The following FAM221B variants were observed in gnomAD, a reference collection of about 807,000 sequenced individuals.
FAM221B encodes the protein family with sequence similarity 221 member B.
In FAM221B, 35 loss-of-function variants were observed where a neutral mutation model predicts 39.8. The observed-to-expected ratio is 0.88, with a 90% CI of 0.67 to 1.17. FAM221B has a LOEUF of 1.17. Ranked by LOEUF, FAM221B falls within the 50% of genes most tolerant of loss-of-function variation. FAM221B has a pLI of 0.00. For missense variants in FAM221B, 479 were observed against 503.1 expected (o/e 0.95, Z 0.46); for synonymous variants, 158 against 178.1 (o/e 0.89, Z 0.90).
chr9:35,818,654 G>T, intron 6 of FAM221B, 148 bp from the exon 7 acceptor site: 1 of 966,632 alleles, frequency 1.0e-6, no homozygotes, highest in Non-Finnish European at 1.6e-6. Context: ...GGGCCTAGAA[G>T]TCAGAGTTGC....
At position 35,825,946 on chromosome 9, in the gene FAM221B, A is replaced by C; in HGVS notation, c.216T>G (p.Pro72=). The change falls in exon 2 of 7, where the codon CCT becomes CCG. Residue 72 remains proline (P), a synonymous_variant. Coordinates refer to ENST00000423537, the MANE Select transcript of FAM221B (RefSeq NM_001012446.4). The surrounding 1 kb of genome is among the most constrained non-coding windows in gnomAD (Gnocchi z 4.2). The part of the protein sequence containing the change: ...PSQIPLEAHS[P]ETHQEPSISE... ...AGATGGAAGGCTCCTGATGGGTTTC[A>C]GGGGAATGGGCCTCTAAGGGGATCT... 6.2e-7 allele frequency: 1 copy of C among 1,614,086 alleles called. No individual in the cohort carries two copies. The highest frequency in any genetic ancestry group is 8.5e-7 in the Non-Finnish European group (1 of 1,179,998).
Position 35,825,306 on chromosome 9 carries a change from A to G in FAM221B, c.666T>C (p.His222=), listed in dbSNP as rs773803368. ...TELVEVAKAM[H]REEFGAQVNN... The stretch of plus-strand genomic sequence containing the variant: ...TCACTTGAGCACCAAACTCCTCTCT[A>G]TGCATTGCCTTAGCCACTTCCACCA... The change falls in exon 3 of 7, where the codon CAT becomes CAC. Residue 222 remains histidine (H), a synonymous_variant. Transcript: ENST00000423537. The surrounding 1 kb of genome is among the most constrained non-coding windows in gnomAD (Gnocchi z 4.2). 5 of 1,614,194 alleles carry G rather than the reference A, an allele frequency of 3.1e-6. No homozygotes were observed. Among genetic ancestry groups the G allele is most frequent in the Non-Finnish European group, 2.5e-6 (3 of 1,180,026 alleles).
At position 35,818,471 on chromosome 9, in the gene FAM221B, A is replaced by G. The variant is rs767000046; in HGVS notation, c.1207T>C (p.Ter403ArgextTer170). ...DTVSNWHRPL[*>R] The stretch of plus-strand genomic sequence containing the variant: ...TTTATTGCTGATCTGGGCCAGACTC[A>G]CAAAGGCCTGTGCCAGTTGCTGACA... Residue 403 changes from the stop codon to arginine, a stop_lost, in exon 7 of 7, where the codon TGA (stop) becomes CGA (arginine). Transcript: ENST00000423537. 2.4e-4 allele frequency: 365 copies of G among 1,551,604 alleles called. No individual in the cohort carries two copies. Among genetic ancestry groups the G allele is most frequent in the Non-Finnish European group, 3.1e-4 (352 of 1,146,990 alleles).
At chr9:35,823,138 A>G (rs993464660) in intron 3 of FAM221B, among the ~76,000 whole-genome samples, 1 of 152,170 alleles carries the variant, frequency 6.6e-6, no homozygotes, top group African/African-American at 2.4e-5. Context: ...TACTCATCTT[A>G]CAGATATCAG....
intron 3 of FAM221B, 90 bp from the exon 4 acceptor site, chr9:35,820,090 G>A: frequency 2.3e-6 from 2 of 852,400 alleles, no homozygotes; most frequent in Non-Finnish European, 3.8e-6. Context: ...GTGAGGGGGT[G>A]GGGGGAACTT....
At position 35,820,050 on chromosome 9, in the gene FAM221B, C is replaced by T. The variant is rs72727073; in HGVS notation, c.743-50G>A. 4,272 of 1,390,488 alleles carry T rather than the reference C, an allele frequency of 3.1e-3. 8 individuals carry two copies. Among genetic ancestry groups the T allele is most frequent in the Non-Finnish European group, 3.5e-3 (3,402 of 978,998 alleles). 86.1% of individuals were successfully genotyped at this position (1,390,488 alleles called of 1,614,324 possible). On this transcript the variant is annotated intron_variant, in intron 3 of 6. Coordinates refer to ENST00000423537, the MANE Select transcript of FAM221B (RefSeq NM_001012446.4). ...GAAGTAAAAAAATTCTAAGCTCCCC[C>T]GAAGTGTTCTTACCTATCCCTTGAT...
chr9:35,825,430 G>C lies in FAM221B; in HGVS notation c.599-57C>G, dbSNP rs1829315766. The C allele has an allele frequency of 1.9e-6, 3 of 1,609,350 alleles. No homozygotes were observed. The Admixed American group carries it at 5.0e-5, about 27-fold the overall frequency. On this transcript the variant is annotated intron_variant, in intron 2 of 6. Transcript: ENST00000423537. This position sits in a 1 kb window ranked among gnomAD's most constrained non-coding sequence, Gnocchi z 4.2. ...AAGTGAGAAGGCCCTAAAACTAAGA[G>C]AAGGGGCCATGTCCAAGAGTAACCC...
chr9:35,818,426 C>T lies in FAM221B; in HGVS notation c.*43G>A. Reference sequence around the variant, plus strand: ...CTACCTGCCCCATATAGAGCCAAGTCAGGTTCCAATGACTCCTCTTTTATT... The same window carrying T: ...CTACCTGCCCCATATAGAGCCAAGTTAGGTTCCAATGACTCCTCTTTTATT... On this transcript the variant is annotated 3_prime_UTR_variant, in exon 7 of 7. Transcript: ENST00000423537. The T allele has an allele frequency of 6.5e-7, 1 of 1,546,718 alleles. No individual in the cohort carries two copies. Among genetic ancestry groups the T allele is most frequent in the Non-Finnish European group, 8.8e-7 (1 of 1,142,492 alleles).
At chr9:35,821,600 G>T (rs1336719554) in intron 3 of FAM221B, 2 of 1,367,814 alleles carry the variant, frequency 1.5e-6, no homozygotes, top group East Asian at 4.5e-5. Flanking sequence ...CGGGAGCCAG[G>T]ATTCCACTAG....
intron 3 of FAM221B, among the ~76,000 whole-genome samples, chr9:35,824,791 C>A (rs945021800): frequency 1.1e-4 from 17 of 151,726 alleles, no homozygotes; most frequent in African/African-American, 4.1e-4. Context: ...ACGCCATTCT[C>A]CTGCCTCAGC....
rs552146197 is a variant in FAM221B at position 35,817,985 on chromosome 9, C to G, written c.*484G>C. ...TACTGGCCTCTTCCCCTTTTCCTTC[C>G]TACAAAAGTACTTCCTTGACTCCAC... On this transcript the variant is annotated 3_prime_UTR_variant, in exon 7 of 7. Coordinates refer to ENST00000423537, the MANE Select transcript of FAM221B (RefSeq NM_001012446.4). 2 of 160,962 alleles carry G rather than the reference C, an allele frequency of 1.2e-5. No homozygotes were observed. The highest frequency in any genetic ancestry group is 3.7e-4 in the East Asian group (2 of 5,448). The allele number at this position is 160,962 out of a possible 1,614,324, so 10.0% of individuals were successfully genotyped here.
In FAM221B at chr9:35,826,085, G is replaced by C. The variant is rs776851327; in HGVS notation, c.77C>G (p.Ser26Cys). 6.8e-6 allele frequency: 11 copies of C among 1,613,726 alleles called. No homozygotes were observed. The highest frequency in any genetic ancestry group is 3.3e-5 in the Admixed American group (2 of 59,944). ...ATGGTTCTCCTGTAAGTCCTCAGCA[G>C]AGGGGTCCTTTGAAGGGGGGTGCTT... ...AEKHPPSKDPSAEDLQENHIS... is the reference protein window; with the variant it reads ...AEKHPPSKDPCAEDLQENHIS... The change falls in exon 2 of 7, where the codon TCT becomes TGT. Residue 26 changes from serine (S) to cysteine (C), a missense_variant. By Grantham distance (112) the Ser-to-Cys change is moderately radical. Transcript: ENST00000423537.
At chr9:35,821,646 A>G (rs1829153935) in intron 3 of FAM221B, 1 of 1,364,572 alleles carries the variant, frequency 7.3e-7, no homozygotes, top group South Asian at 1.1e-5. Flanking sequence ...AGCAGGATAC[A>G]TTAAAAAAGC....
At chr9:35,819,535 C>G in intron 4 of FAM221B, 141 bp from the exon 5 acceptor site, 1 of 768,366 alleles carries the variant, frequency 1.3e-6, no homozygotes, top group Non-Finnish European at 2.0e-6. Context: ...CTCTGTCGCC[C>G]AGGCTGGAGT....
At position 35,825,140 on chromosome 9, in the gene FAM221B, T is replaced by C; in HGVS notation, c.742+90A>G. The stretch of plus-strand genomic sequence containing the variant: ...TATAGCCATTTCCAAAAGGGGAAGC[T>C]ATCTGCTGAATGTTCAGGTTCCCAG... On this transcript the variant is annotated intron_variant, in intron 3 of 6. Transcript: ENST00000423537. The surrounding 1 kb of genome is among the most constrained non-coding windows in gnomAD (Gnocchi z 4.2). 6.8e-7 allele frequency: 1 copy of C among 1,476,414 alleles called. No individual in the cohort carries two copies. Among genetic ancestry groups the C allele is most frequent in the African/African-American group, 1.4e-5 (1 of 72,056 alleles). The allele number at this position is 1,476,414 out of a possible 1,614,324, so 91.5% of individuals were successfully genotyped here.
rs1829066021 is a variant in FAM221B, at chr9:35,818,640, T to G, written c.1172-134A>C. The G allele has an allele frequency of 1.9e-5, 19 of 1,021,006 alleles. No individual in the cohort carries two copies. The Admixed American group carries it at 3.7e-4, about 20-fold the overall frequency. The allele number at this position is 1,021,006 out of a possible 1,614,324, so 63.2% of individuals were successfully genotyped here. On this transcript the variant is annotated intron_variant, in intron 6 of 6. Coordinates refer to ENST00000423537, the MANE Select transcript of FAM221B (RefSeq NM_001012446.4). ...GGGAAGGCCAGAGGGCCCCTGTATC[T>G]GCAGGGCCTAGAAGTCAGAGTTGCT...
Position 35,825,958 on chromosome 9 carries a change from C to T in FAM221B, c.204G>A (p.Glu68=). ...CCTGATGGGTTTCAGGGGAATGGGC[C>T]TCTAAGGGGATCTGGGAAGGGGATG... is the stretch of plus-strand genomic sequence containing the variant. ...LVPSPSQIPL[E]AHSPETHQEP... The change falls in exon 2 of 7, where the codon GAG becomes GAA. Residue 68 remains glutamate (E), a synonymous_variant. Transcript: ENST00000423537. This position sits in a 1 kb window ranked among gnomAD's most constrained non-coding sequence, Gnocchi z 4.2. The T allele has an allele frequency of 1.9e-6, 3 of 1,613,890 alleles. No individual in the cohort carries two copies. The highest frequency in any genetic ancestry group is 1.1e-5 in the South Asian group (1 of 91,052).
At position 35,819,445 on chromosome 9, in the gene FAM221B, C is replaced by G. The variant is rs551866718; in HGVS notation, c.854-51G>C. 29 of 1,491,794 alleles carry G rather than the reference C, an allele frequency of 1.9e-5. No individual in the cohort carries two copies. In the East Asian group the frequency reaches 6.0e-4, roughly 31 times the overall value. 92.4% of individuals were successfully genotyped at this position (1,491,794 alleles called of 1,614,324 possible). ...GGTTAATCTGATAGGACCTTGCCTT[C>G]TCATGCCAACCCCATCCTCCATCCC... On this transcript the variant is annotated intron_variant, in intron 4 of 6. Transcript: ENST00000423537.
In FAM221B at chr9:35,825,808, CA is replaced by C. The variant is rs776757848; in HGVS notation, c.353del (p.Leu118ArgfsTer7). 1.1e-5 allele frequency: 17 copies of C among 1,614,026 alleles called. No individual in the cohort carries two copies. Among genetic ancestry groups the C allele is most frequent in the Non-Finnish European group, 1.4e-5 (17 of 1,180,036 alleles). ...LPPQSRDYVC[L>X]SSSDTLKEDL... ...CTTCCTTCAGAGTATCAGAAGAAGACAGACAGACATAGTCTCGTGATTGGGG... is the reference window on the plus strand; with the variant it reads ...CTTCCTTCAGAGTATCAGAAGAAGACGACAGACATAGTCTCGTGATTGGGG... On this transcript the variant is annotated frameshift_variant, in exon 2 of 7. Transcript: ENST00000423537. LOFTEE classifies it high-confidence loss of function. The surrounding 1 kb of genome is among the most constrained non-coding windows in gnomAD (Gnocchi z 4.2).
Sources: gnomAD v4.1 joint callset for allele counts (sites outside exome capture counted in the v4.1 genomes callset) on GRCh38, gnomAD v4.1.1 for gene constraint, Gnocchi (gnomAD v3.1) non-coding constraint, MANE v1.5 for transcripts, NCBI Gene and HGNC (gene_info 2026-07-23, HGNC 2026-07-21) for gene names.